Variants in KDM7A observed in about 807,000 individuals in gnomAD.
The protein encoded by KDM7A is lysine demethylase 7A.
Under a neutral mutation model 114.8 loss-of-function variants are expected in KDM7A, and 28 were observed. The observed-to-expected ratio is 0.24, with a 90% CI of 0.18 to 0.33. KDM7A has a LOEUF of 0.33. KDM7A is among the 10% of genes least tolerant of loss of function. KDM7A has a pLI of 1.00. For synonymous variants in KDM7A, 423 were observed against 397.8 expected (o/e 1.06, Z -0.75); for missense variants, 942 against 1,142.5 (o/e 0.82, Z 2.53).
At chr7:140,100,675 T>G (rs1489279124) in intron 12 of KDM7A, among the ~76,000 whole-genome samples, 1 of 44,246 alleles carries the variant, frequency 2.3e-5, no homozygotes, top group East Asian at 5.3e-4. Flanking sequence ...TATATATATA[T>G]ATATACATAT....
intron 11 of KDM7A, among the ~76,000 whole-genome samples, chr7:140,109,013 T>C (rs1388849321): frequency 6.6e-6 from 1 of 152,078 alleles, no homozygotes; most frequent in African/African-American, 2.4e-5. Flanking sequence ...TGCAGTTTGA[T>C]CTCAGACTGC....
At position 140,123,807 on chromosome 7, in the gene KDM7A, C is replaced by T. The variant is rs573485872; in HGVS notation, c.1051+814G>A. On this transcript the variant is annotated intron_variant, in intron 7 of 19. Coordinates refer to ENST00000397560, the MANE Select transcript of KDM7A (RefSeq NM_030647.2). ...CCTAGAAAATAGTATGCCGGCCGGG[C>T]GTGGAGGCTCACGCCTGTAATCCCA... Among the ~76,000 whole-genome samples, 8 of 152,186 alleles carry T rather than the reference C, an allele frequency of 5.3e-5. No homozygotes were observed. In the South Asian group the frequency reaches 8.3e-4, roughly 16 times the overall value.
In KDM7A at chr7:140,114,505, T is replaced by G. The variant is rs1818484455; in HGVS notation, c.1247-923A>C. ...CCCAGGCTGGAGTGCAGTGGCGTGA[T>G]CTCGGCTCGCTACAACCTCCACCTC... On this transcript the variant is annotated intron_variant, in intron 9 of 19. Transcript: ENST00000397560. 7.2e-5 allele frequency among the ~76,000 whole-genome samples: 11 copies of G among 152,264 alleles called. No homozygotes were observed. In the South Asian group the frequency reaches 2.3e-3, roughly 32 times the overall value.
At chr7:140,129,260 G>C (rs58454246) in intron 4 of KDM7A, among the ~76,000 whole-genome samples, 400 of 152,298 alleles carry the variant, frequency 2.6e-3, no homozygotes, top group African/African-American at 7.7e-3. Context: ...TGGCACAAAA[G>C]AAAGCAGCAG....
chr7:140,148,169 A>C (rs1444580226), intron 1 of KDM7A, among the ~76,000 whole-genome samples: 3 of 151,676 alleles, frequency 2.0e-5, no homozygotes, highest in African/African-American at 7.3e-5. Flanking sequence ...TTTTTTCTTC[A>C]ATAAGGTCTC....
intron 4 of KDM7A, 63 bp downstream of exon 4, chr7:140,129,430 C>G: frequency 7.7e-7 from 1 of 1,295,828 alleles, no homozygotes. Context: ...ATTAATATTA[C>G]CAGGACTATC....
intron 9 of KDM7A, among the ~76,000 whole-genome samples, chr7:140,117,823 C>T (rs1026881794): frequency 1.3e-5 from 2 of 152,158 alleles, no homozygotes; most frequent in South Asian, 2.1e-4. Flanking sequence ...CAGGGATTCA[C>T]GATAAGGATT....
Position 140,090,249 on chromosome 7 carries a change from A to G in KDM7A, c.*845T>C, listed in dbSNP as rs1817997226. The G allele has an allele frequency of 6.6e-6, 1 of 152,190 alleles. No individual in the cohort carries two copies. The highest frequency in any genetic ancestry group is 2.1e-4 in the South Asian group (1 of 4,828). The allele number at this position is 152,190 out of a possible 1,614,324, so 9.4% of individuals were successfully genotyped here. On this transcript the variant is annotated 3_prime_UTR_variant, in exon 20 of 20. Transcript: ENST00000397560. Reference sequence around the variant, plus strand: ...CAAAAGCCTATTTTTTTTAATGTTGAGAAGAAAATCACAATGTCAAACGAA... The same window carrying G: ...CAAAAGCCTATTTTTTTTAATGTTGGGAAGAAAATCACAATGTCAAACGAA...
intron 18 of KDM7A, among the ~76,000 whole-genome samples, chr7:140,093,266 C>T (rs531447596): frequency 1.3e-5 from 2 of 152,244 alleles, no homozygotes; most frequent in South Asian, 2.1e-4. Context: ...TGAGGTCTTT[C>T]GGTGCCATGT....
At chr7:140,155,246 A>T (rs999134664) in intron 1 of KDM7A, among the ~76,000 whole-genome samples, 2 of 152,208 alleles carry the variant, frequency 1.3e-5, no homozygotes, top group Non-Finnish European at 2.9e-5. Flanking sequence ...TCTTATGTAG[A>T]TCAAAATACA....
Position 140,176,954 on chromosome 7 carries a change from C to T in KDM7A, c.-17G>A. ...TCCGGCCATCTTTAAAAAACACACA[C>T]ACGCTCGCTCGCTACTCCGCTCGCC... On this transcript the variant is annotated 5_prime_UTR_variant, in exon 1 of 20. The change creates a new upstream start codon in the 5' untranslated region. Coordinates refer to ENST00000397560, the MANE Select transcript of KDM7A (RefSeq NM_030647.2). The surrounding 1 kb of genome is among the most constrained non-coding windows in gnomAD (Gnocchi z 4.4). 1 of 1,127,896 alleles carries T rather than the reference C, an allele frequency of 8.9e-7. No individual in the cohort carries two copies. The highest frequency in any genetic ancestry group is 1.1e-6 in the Non-Finnish European group (1 of 919,088). The allele number at this position is 1,127,896 out of a possible 1,614,324, so 69.9% of individuals were successfully genotyped here. A position where few individuals can be genotyped will look rare whatever the true frequency, so the allele number is the denominator to read the frequency against.
At chr7:140,134,322 T>A (rs552161711) in intron 2 of KDM7A, among the ~76,000 whole-genome samples, 8 of 152,226 alleles carry the variant, frequency 5.3e-5, no homozygotes, top group Non-Finnish European at 1.2e-4. Flanking sequence ...GTTCAGCCAA[T>A]AGCTTTCTCT....
At chr7:140,108,398 T>C (rs910770518) in intron 11 of KDM7A, among the ~76,000 whole-genome samples, 2 of 152,174 alleles carry the variant, frequency 1.3e-5, no homozygotes, top group African/African-American at 4.8e-5. Context: ...TCTGTTTTTT[T>C]CCCCATCTTT....
chr7:140,161,786 C>T (rs1437283095), intron 1 of KDM7A, among the ~76,000 whole-genome samples: 3 of 151,750 alleles, frequency 2.0e-5, no homozygotes, highest in Non-Finnish European at 2.9e-5. Context: ...CCTCGTGATC[C>T]GCCCGCCTCG....
intron 1 of KDM7A, among the ~76,000 whole-genome samples, chr7:140,144,797 G>C (rs916021767): frequency 1.3e-5 from 2 of 152,066 alleles, no homozygotes; most frequent in Non-Finnish European, 2.9e-5. Flanking sequence ...AATTGTTTGG[G>C]TCATAGGGGC....
chr7:140,162,855 T>G (rs1057020215), intron 1 of KDM7A, among the ~76,000 whole-genome samples: 5 of 152,096 alleles, frequency 3.3e-5, no homozygotes, highest in African/African-American at 1.2e-4. Flanking sequence ...AGAGGACCAG[T>G]TAAATTGTGG....
chr7:140,125,230 A>G (rs575694101), intron 6 of KDM7A, among the ~76,000 whole-genome samples: 1 of 152,350 alleles, frequency 6.6e-6, no homozygotes, highest in South Asian at 2.1e-4. Flanking sequence ...TGAAGGAAAA[A>G]AACAGGAACC....
intron 11 of KDM7A, 52 bp from the exon 12 acceptor site, chr7:140,102,212 C>A: frequency 1.6e-6 from 2 of 1,225,196 alleles, no homozygotes; most frequent in Admixed American, 1.7e-5. Context: ...TACACACATA[C>A]GTGACTAAAT....
At chr7:140,108,513 G>C (rs761343325) in intron 11 of KDM7A, among the ~76,000 whole-genome samples, 3 of 152,178 alleles carry the variant, frequency 2.0e-5, no homozygotes, top group Non-Finnish European at 4.4e-5. Flanking sequence ...AGACCCCTCA[G>C]CTGCAGGTCT....
Sources: allele counts gnomAD v4.1 joint callset (sites outside exome capture counted in the v4.1 genomes callset), GRCh38; gene constraint gnomAD v4.1.1; non-coding constraint Gnocchi (gnomAD v3.1); transcripts MANE v1.5; gene names NCBI Gene and HGNC (gene_info 2026-07-23, HGNC 2026-07-21).